The following ASAH2 variants were observed in gnomAD, a reference collection of about 807,000 sequenced individuals.
ASAH2 encodes the protein N-acylsphingosine amidohydrolase 2.
Under a neutral mutation model 82.9 loss-of-function variants are expected in ASAH2, and 58 were observed. The observed-to-expected ratio is 0.70, with a 90% confidence interval of 0.57 to 0.87. The LOEUF (loss-of-function observed/expected upper bound fraction) is 0.87, where lower values mean the gene tolerates loss of function less well. Ranked by LOEUF, ASAH2 falls within the 40% of genes least tolerant of loss-of-function variation. ASAH2 has a pLI of 0.00. For missense variants in ASAH2, 779 were observed against 834.0 expected, an observed-to-expected ratio of 0.93 and a Z score of 0.81; for synonymous variants, 276 against 289.7, an observed-to-expected ratio of 0.95 and a Z score of 0.48.
At chr10:50,209,473 C>G (rs1302640565) in intron 12 of ASAH2, among the ~76,000 whole-genome samples, 1 of 152,102 alleles carries the variant, frequency 6.6e-6, no homozygotes, top group African/African-American at 2.4e-5. Context: ...CCTCAGCCTC[C>G]CGAGTAGCTG....
At position 50,234,542 on chromosome 10, in the gene ASAH2, A is replaced by T. The variant is rs1254245464; in HGVS notation, c.698T>A (p.Ile233Lys). The T allele has an allele frequency of 6.2e-7, 1 of 1,612,714 alleles. No homozygotes were observed. Among genetic ancestry groups the T allele is most frequent in the Non-Finnish European group, 8.5e-7 (1 of 1,179,088 alleles). Residue 233 changes from isoleucine (I) to lysine (K), a missense_variant, in exon 6 of 21, where the codon ATA (isoleucine) becomes AAA (lysine). By Grantham distance (102) the Ile-to-Lys change is moderately radical. Around this residue, in one of 3 missense-constraint regions of ASAH2, gnomAD observed 759 missense variants for 755.2 expected, o/e 1.00. Coordinates refer to ENST00000682911, the MANE Select transcript of ASAH2 (RefSeq NM_019893.4). ...GCCTGGTTTCATATTTGTGTGTGCT[A>T]TGTCAATGCTCTGAAGGTTAAAAAA... is the stretch of plus-strand genomic sequence containing the variant. ...MVTGILKSIDIAHTNMKPGKI... is the reference protein window; with the variant it reads ...MVTGILKSIDKAHTNMKPGKI...
At chr10:50,229,331 A>AT (rs1044238789) in intron 7 of ASAH2, among the ~76,000 whole-genome samples, 5 of 152,192 alleles carry the variant, frequency 3.3e-5, no homozygotes, top group African/African-American at 1.2e-4. Flanking sequence ...AGAAAAAAAA[A>AT]CATTGAATGC....
intron 7 of ASAH2, among the ~76,000 whole-genome samples, chr10:50,220,994 G>A (rs1845729900): frequency 6.6e-6 from 1 of 151,796 alleles, no homozygotes; most frequent in Non-Finnish European, 1.5e-5. Flanking sequence ...TTTTCATGTT[G>A]GCATCCATTT....
At chr10:50,217,861 A>C (rs1845646317) in intron 8 of ASAH2, among the ~76,000 whole-genome samples, 1 of 152,208 alleles carries the variant, frequency 6.6e-6, no homozygotes, top group Non-Finnish European at 1.5e-5. Context: ...GCAGTGGCTC[A>C]TGCCTGTAAT....
chr10:50,244,570 A>T (rs1435235946), intron 3 of ASAH2, among the ~76,000 whole-genome samples: 2 of 152,214 alleles, frequency 1.3e-5, no homozygotes, highest in Non-Finnish European at 2.9e-5. Flanking sequence ...CACTGACATA[A>T]ATGGGTATTT....
chr10:50,198,623 A>G (rs1486893709), intron 17 of ASAH2, among the ~76,000 whole-genome samples: 2 of 152,026 alleles, frequency 1.3e-5, no homozygotes, highest in African/African-American at 4.8e-5. Context: ...GACCTACTCA[A>G]CTTTTGGAGT....
chr10:50,200,357 T>C (rs1363203150), intron 16 of ASAH2, among the ~76,000 whole-genome samples: 1 of 150,992 alleles, frequency 6.6e-6, no homozygotes, highest in Admixed American at 6.7e-5. Context: ...TACCATCTCC[T>C]TACCATCACC....
chr10:50,217,522 C>T (rs1845636894), intron 8 of ASAH2, among the ~76,000 whole-genome samples: 1 of 151,990 alleles, frequency 6.6e-6, no homozygotes. Flanking sequence ...CCACTGCATT[C>T]GGCCTCCTCG....
At chr10:50,248,745 G>A (rs761285013) in intron 1 of ASAH2, 99 bp from the exon 2 acceptor site, 58 of 889,450 alleles carry the variant, frequency 6.5e-5, no homozygotes, top group African/African-American at 4.1e-4. Flanking sequence ...TACCAAGAAC[G>A]ACAAGTACAG....
intron 7 of ASAH2, among the ~76,000 whole-genome samples, chr10:50,221,292 A>G (rs1589340354): frequency 6.6e-6 from 1 of 152,140 alleles, no homozygotes; most frequent in African/African-American, 2.4e-5. Context: ...GAGTTTCTTT[A>G]GTTTGGAAGA....
chr10:50,244,839 C>CTTT (rs72507051), intron 3 of ASAH2, among the ~76,000 whole-genome samples: 6 of 151,070 alleles, frequency 4.0e-5, no homozygotes, highest in African/African-American at 1.5e-4. Flanking sequence ...TTTATTTGTG[C>CTTT]TTTTTTTTTC....
chr10:50,228,000 A>G (rs1045175314), intron 7 of ASAH2, among the ~76,000 whole-genome samples: 8 of 152,300 alleles, frequency 5.3e-5, no homozygotes, highest in African/African-American at 1.9e-4. Context: ...GAGCGGAACA[A>G]GAAAAAGAGG....
intron 8 of ASAH2, among the ~76,000 whole-genome samples, chr10:50,216,491 A>G (rs1845605098): frequency 6.6e-6 from 1 of 152,226 alleles, no homozygotes; most frequent in South Asian, 2.1e-4. Context: ...GCAACAACAA[A>G]TTATAAAATG....
At chr10:50,249,805 A>G (rs1846568849) in intron 1 of ASAH2, among the ~76,000 whole-genome samples, 1 of 152,176 alleles carries the variant, frequency 6.6e-6, no homozygotes, top group Non-Finnish European at 1.5e-5. Flanking sequence ...GATGATTGGA[A>G]TCACAGGTGG....
At chr10:50,220,465 T>C (rs1238898548) in intron 7 of ASAH2, among the ~76,000 whole-genome samples, 2 of 147,192 alleles carry the variant, frequency 1.4e-5, no homozygotes, top group Non-Finnish European at 3.0e-5. Flanking sequence ...ATTATGAATA[T>C]GTCCTTTGCC....
At position 50,233,220 on chromosome 10, in the gene ASAH2, A is replaced by G. The variant is rs963259100; in HGVS notation, c.857T>C (p.Met286Thr). 13 of 1,611,996 alleles carry G rather than the reference A, an allele frequency of 8.1e-6. No homozygotes were observed. Among genetic ancestry groups the G allele is most frequent in the Non-Finnish European group, 1.1e-5 (13 of 1,178,400 alleles). The change falls in exon 7 of 21, where the codon ATG (methionine) becomes ACG (threonine). Residue 286 changes from methionine to threonine, a missense_variant. Transcript: ENST00000682911. The stretch of plus-strand genomic sequence containing the variant: ...CAAGTCATCTCCATTCAAATCTACC[A>G]TTTTCAAAACTATCATTTCCTTGTC... ...NTDKEMIVLK[M>T]VDLNGDDLGL...
At chr10:50,248,715 T>C in intron 1 of ASAH2, 69 bp from the exon 2 acceptor site, 3 of 1,192,480 alleles carry the variant, frequency 2.5e-6, no homozygotes, top group Non-Finnish European at 3.5e-6. Flanking sequence ...ATATCTTAGC[T>C]CTTTCATATT....
At chr10:50,216,944 G>C (rs907864814) in intron 8 of ASAH2, among the ~76,000 whole-genome samples, 42 of 152,302 alleles carry the variant, frequency 2.8e-4, no homozygotes, top group Admixed American at 1.7e-3. Flanking sequence ...AAAGGAGCTT[G>C]CTTTGGTTTG....
At chr10:50,203,797 G>A (rs1845224048) in intron 14 of ASAH2, 118 bp from the exon 15 acceptor site, 1 of 832,606 alleles carries the variant, frequency 1.2e-6, no homozygotes, top group African/African-American at 1.7e-5. Flanking sequence ...AGTAAAATAT[G>A]TAGGAACCCA....
Sources: gnomAD v4.1 joint callset for allele counts (sites outside exome capture counted in the v4.1 genomes callset) on GRCh38, gnomAD v4.1.1 for gene constraint, gnomAD v4.1.1 regional missense constraint, MANE v1.5 for transcripts, NCBI Gene and HGNC (gene_info 2026-07-23, HGNC 2026-07-21) for gene names.